Variants in TMEM254 observed in about 807,000 individuals in gnomAD.
The protein encoded by TMEM254 is transmembrane protein C10orf57.
TMEM254 carries 16 observed loss-of-function variants against 13.9 expected under a neutral mutation model. That is an observed-to-expected ratio of 1.15 (90% CI 0.78 to 1.75). The LOEUF (loss-of-function observed/expected upper bound fraction) is 1.75. Ranked by LOEUF, TMEM254 falls within the 40% of genes most tolerant of loss-of-function variation. The pLI, the probability that TMEM254 is intolerant of heterozygous loss-of-function variation, is 0.00. For synonymous variants in TMEM254, 61 were observed against 56.4 expected, an observed-to-expected ratio of 1.08 and a Z score of -0.36; for missense variants, 155 against 149.0, an observed-to-expected ratio of 1.04 and a Z score of -0.21.
chr10:80,078,897 C>T, intron 1 of TMEM254, 111 bp downstream of exon 1: 1 of 1,525,124 alleles, frequency 6.6e-7, no homozygotes, highest in Admixed American at 2.0e-5. Flanking sequence ...AAGCACAATC[C>T]CGACTCCCGC....
At chr10:80,088,905 G>A (rs1355179745) in intron 3 of TMEM254, among the ~76,000 whole-genome samples, 1 of 151,366 alleles carries the variant, frequency 6.6e-6, no homozygotes, top group Non-Finnish European at 1.5e-5. Context: ...GCCAACTTTT[G>A]TTGTTGTTTT....
intron 3 of TMEM254, among the ~76,000 whole-genome samples, chr10:80,085,509 G>T (rs1844270982): frequency 1.3e-5 from 2 of 151,920 alleles, no homozygotes; most frequent in African/African-American, 4.8e-5. Flanking sequence ...GGAGGTTGCG[G>T]TGAGCTGAGA....
Position 80,082,150 on chromosome 10 carries a change from G to A in TMEM254, c.197G>A (p.Trp66Ter). The A allele has an allele frequency of 6.8e-6, 11 of 1,614,142 alleles. No individual in the cohort carries two copies. The highest frequency in any genetic ancestry group is 9.3e-6 in the Non-Finnish European group (11 of 1,180,024). The part of the protein sequence containing the change: ...HHHTLLCNGY[W>*]LAWLIHVGES... Reference sequence around the variant, plus strand: ...AACCTTTTTTTTGGTTTCAGGTATTGGCTTGCCTGGCTGATTCATGTGGGA... The same window carrying A: ...AACCTTTTTTTTGGTTTCAGGTATTAGCTTGCCTGGCTGATTCATGTGGGA... Residue 66 changes from tryptophan (W) to a stop codon, truncating the protein, a stop_gained, in exon 3 of 4, where the codon TGG (tryptophan) becomes TAG (stop). Coordinates refer to ENST00000372281, the MANE Select transcript of TMEM254 (RefSeq NM_025125.4). LOFTEE classifies it high-confidence loss of function.
chr10:80,086,089 A>G, intron 3 of TMEM254: 1 of 453,738 alleles, frequency 2.2e-6, no homozygotes, highest in South Asian at 4.6e-5. Flanking sequence ...TTCAAGTATC[A>G]GAGGTAACAT....
chr10:80,090,802 A>G lies in TMEM254; in HGVS notation c.257A>G (p.Lys86Arg). 1 of 1,612,560 alleles carries G rather than the reference A, an allele frequency of 6.2e-7. No homozygotes were observed. The highest frequency in any genetic ancestry group is 1.1e-5 in the South Asian group (1 of 90,506). The change falls in exon 4 of 4, where the codon AAA becomes AGA. Residue 86 changes from lysine to arginine, a missense_variant. Transcript: ENST00000372281. ...SLYAIVLCKH[K>R]GITSGRAQLL... ...TTTTGTTTTTTCTGTTTTAGGCATAAAGGCATCACAAGTGGTCGGGCTCAG... is the reference window on the plus strand; with the variant it reads ...TTTTGTTTTTTCTGTTTTAGGCATAGAGGCATCACAAGTGGTCGGGCTCAG...
rs1377737021 is a variant in TMEM254 at position 80,091,712 on chromosome 10, A to G, written c.*795A>G. 6.6e-6 allele frequency: 1 copy of G among 152,222 alleles called. No homozygotes were observed. The highest frequency in any genetic ancestry group is 1.5e-5 in the Non-Finnish European group (1 of 68,046). The allele number at this position is 152,222 out of a possible 1,614,324, so 9.4% of individuals were successfully genotyped here. The stretch of plus-strand genomic sequence containing the variant: ...CTTTCCCCTCAGCACCTGTCCCACT[A>G]TCTTGCACACAGGTGCTCTAACCAT... On this transcript the variant is annotated 3_prime_UTR_variant, in exon 4 of 4. Transcript: ENST00000372281.
At chr10:80,090,748 A>T (rs1275751849) in intron 3 of TMEM254, 49 bp from the exon 4 acceptor site, 1 of 1,576,624 alleles carries the variant, frequency 6.3e-7, no homozygotes, top group Admixed American at 1.9e-5. Context: ...ACTCCCATGA[A>T]ACTGTAAGAT....
intron 3 of TMEM254, among the ~76,000 whole-genome samples, chr10:80,087,599 G>A (rs751048316): frequency 4.1e-4 from 63 of 152,248 alleles, no homozygotes; most frequent in Non-Finnish European, 7.5e-4. Context: ...GTTGCAGTGA[G>A]CTGAGATCAC....
rs1843775056 is a variant in TMEM254, at chr10:80,078,708, G to T, written c.9G>T (p.Thr3=). 1.9e-6 allele frequency: 3 copies of T among 1,601,872 alleles called. No individual in the cohort carries two copies. The highest frequency in any genetic ancestry group is 2.6e-6 in the Non-Finnish European group (3 of 1,175,818). The change falls in exon 1 of 4, where the codon ACG becomes ACT. Residue 3 remains threonine (T), a synonymous_variant. Coordinates refer to ENST00000372281, the MANE Select transcript of TMEM254 (RefSeq NM_025125.4). ...GGGGAGGTGTTGCAGCCATGGCTACGGCAGCCGGCGCGACCTACTTTCAGC... is the reference window on the plus strand; with the variant it reads ...GGGGAGGTGTTGCAGCCATGGCTACTGCAGCCGGCGCGACCTACTTTCAGC... MA[T]AAGATYFQRG... is the part of the protein sequence containing the mutation.
intron 2 of TMEM254, 87 bp downstream of exon 2, chr10:80,082,031 C>G: frequency 6.4e-7 from 1 of 1,559,176 alleles, no homozygotes; most frequent in Non-Finnish European, 8.8e-7. Context: ...CTTTTGGTAT[C>G]TAAGAGTAGT....
rs1843840970 is a variant in TMEM254 at position 80,079,345 on chromosome 10, G to A, written c.87+559G>A. 5.1e-6 allele frequency: 6 copies of A among 1,184,324 alleles called. No individual in the cohort carries two copies. The Admixed American group carries it at 2.3e-4, about 45-fold the overall frequency. The allele number at this position is 1,184,324 out of a possible 1,614,324, so 73.4% of individuals were successfully genotyped here. A position where few individuals can be genotyped will look rare whatever the true frequency, so the allele number is the denominator to read the frequency against. On this transcript the variant is annotated intron_variant, in intron 1 of 3. Transcript: ENST00000372281. ...TCGGTGGGCTCTTAGGATAGTTTCT[G>A]CTTTCTAGTGTTCCTGTCTTTGGGT...
chr10:80,091,405 GAGGT>G lies in TMEM254; in HGVS notation c.*492_*495del, dbSNP rs1316035645. 1 of 152,460 alleles carries G rather than the reference GAGGT, an allele frequency of 6.6e-6. No individual in the cohort carries two copies. The highest frequency in any genetic ancestry group is 1.5e-5 in the Non-Finnish European group (1 of 68,248). 9.4% of individuals were successfully genotyped at this position (152,460 alleles called of 1,614,324 possible). A position where few individuals can be genotyped will look rare whatever the true frequency, so the allele number is the denominator to read the frequency against. ...CCACACACATTTATTAGGTACCTGT[GAGGT>G]AGGATCCTATCCTCTCAAACTTCCA... is the stretch of plus-strand genomic sequence containing the variant. On this transcript the variant is annotated 3_prime_UTR_variant, in exon 4 of 4. Transcript: ENST00000372281.
chr10:80,078,861 A>T (rs1171316353), intron 1 of TMEM254, 75 bp downstream of exon 1: 1 of 1,536,230 alleles, frequency 6.5e-7, no homozygotes, highest in Admixed American at 2.0e-5. Flanking sequence ...CTGGGCTCAC[A>T]GGCCGCGGGC....
chr10:80,080,190 C>G (rs1442248776), intron 1 of TMEM254, among the ~76,000 whole-genome samples: 1 of 152,202 alleles, frequency 6.6e-6, no homozygotes, highest in Non-Finnish European at 1.5e-5. Flanking sequence ...TCTTGTGGAG[C>G]TGGCAGATGC....
At chr10:80,085,167 A>G (rs770834226) in intron 3 of TMEM254, among the ~76,000 whole-genome samples, 3 of 152,328 alleles carry the variant, frequency 2.0e-5, no homozygotes, top group African/African-American at 4.8e-5. Context: ...GAGAACAGGC[A>G]TAGAGGTTAG....
chr10:80,091,731 TA>T lies in TMEM254; in HGVS notation c.*816del, dbSNP rs2132309654. On this transcript the variant is annotated 3_prime_UTR_variant, in exon 4 of 4. Transcript: ENST00000372281. ...CCCACTATCTTGCACACAGGTGCTC[TA>T]ACCATGTTTATTGAACAAAGGAGGG... 6.6e-6 allele frequency: 1 copy of T among 152,354 alleles called. No individual in the cohort carries two copies. The highest frequency in any genetic ancestry group is 1.9e-4 in the East Asian group (1 of 5,184). 9.4% of individuals were successfully genotyped at this position (152,354 alleles called of 1,614,324 possible).
chr10:80,082,320 C>A (rs76485221), intron 3 of TMEM254, 116 bp downstream of exon 3: 1 of 1,224,966 alleles, frequency 8.2e-7, no homozygotes, highest in Non-Finnish European at 1.2e-6. Flanking sequence ...CAGGGTAGAG[C>A]GGAATCCCCA....
Position 80,090,798 on chromosome 10 carries a change from C to T in TMEM254, c.253C>T (p.His85Tyr), listed in dbSNP as rs147254200. ...ESLYAIVLCKHKGITSGRAQL... is the reference protein window; with the variant it reads ...ESLYAIVLCKYKGITSGRAQL... The stretch of plus-strand genomic sequence containing the variant: ...TAAATTTTGTTTTTTCTGTTTTAGG[C>T]ATAAAGGCATCACAAGTGGTCGGGC... Residue 85 changes from histidine to tyrosine, a missense_variant and splice_region_variant, in exon 4 of 4, where the codon CAT (histidine) becomes TAT (tyrosine). By Grantham distance (83) the His-to-Tyr change is moderately conservative (BLOSUM62 2). Coordinates refer to ENST00000372281, the MANE Select transcript of TMEM254 (RefSeq NM_025125.4). 1.7e-4 allele frequency: 273 copies of T among 1,612,134 alleles called. No individual in the cohort carries two copies. The highest frequency in any genetic ancestry group is 2.2e-4 in the Non-Finnish European group (256 of 1,179,584).
At chr10:80,078,873 G>C in intron 1 of TMEM254, 87 bp downstream of exon 1, 1 of 1,530,628 alleles carries the variant, frequency 6.5e-7, no homozygotes, top group Non-Finnish European at 8.9e-7. Flanking sequence ...GCCGCGGGCC[G>C]GGGGAAGTCG....
Sources: allele counts gnomAD v4.1 joint callset (sites outside exome capture counted in the v4.1 genomes callset), GRCh38; gene constraint gnomAD v4.1.1; transcripts MANE v1.5; gene names NCBI Gene and HGNC (gene_info 2026-07-23, HGNC 2026-07-21).